TMEM272: variants seen among roughly 807,000 people sequenced by gnomAD.
TMEM272 encodes the protein transmembrane protein 272, also known as long intergenic non-protein coding RNA 282.
Under a neutral mutation model 3.7 loss-of-function variants are expected in TMEM272, and 8 were observed. The ratio of observed to expected loss-of-function variants is 2.17; its 90% CI spans 1.27 to 3.91. The LOEUF is 3.91. TMEM272 is among the 30% of genes most tolerant of loss of function. The probability of loss-of-function intolerance (pLI) is 0.00; values close to 1 mark genes in which losing one functional copy is unlikely to be tolerated. For synonymous variants in TMEM272, 63 were observed against 39.8 expected (o/e 1.58, Z -2.20); for missense variants, 166 against 91.5 (o/e 1.81, Z -3.32).
chr13:51,915,397 C>G, the TMEM272 span, among the ~76,000 whole-genome samples: 4 of 152,204 alleles, frequency 2.6e-5, no homozygotes, highest in African/African-American at 9.6e-5. Flanking sequence ...AAAAAGAAAA[C>G]AATGCATGAT....
At chr13:51,906,945 C>T in the TMEM272 span, among the ~76,000 whole-genome samples, 3 of 152,240 alleles carry the variant, frequency 2.0e-5, no homozygotes, top group Admixed American at 2.0e-4. Flanking sequence ...GTGATCTGGT[C>T]TGTTCAGAAA....
chr13:51,922,298 C>T, the TMEM272 span, among the ~76,000 whole-genome samples: 10 of 152,332 alleles, frequency 6.6e-5, no homozygotes, highest in East Asian at 3.9e-4. Context: ...TTCCCAAATG[C>T]GCTCAGCTTC....
the TMEM272 span, among the ~76,000 whole-genome samples, chr13:51,907,981 A>T: frequency 2.0e-5 from 3 of 152,228 alleles, no homozygotes; most frequent in African/African-American, 7.2e-5. Context: ...TGTTTAGATA[A>T]TAGTGGATTA....
chr13:51,883,981 T>C, the TMEM272 span, among the ~76,000 whole-genome samples: 9 of 152,238 alleles, frequency 5.9e-5, no homozygotes, highest in Admixed American at 1.3e-4. Flanking sequence ...AAAGTAAAAG[T>C]CTGTGTTGCC....
chr13:51,902,178 G>C, the TMEM272 span, among the ~76,000 whole-genome samples: 18 of 152,302 alleles, frequency 1.2e-4, no homozygotes, highest in African/African-American at 4.3e-4. Context: ...TCTCAGTTTT[G>C]TAAGATGTAA....
the TMEM272 span, among the ~76,000 whole-genome samples, chr13:51,925,148 G>A: frequency 1.3e-5 from 2 of 152,256 alleles, no homozygotes; most frequent in South Asian, 2.1e-4. Flanking sequence ...TTTCTTAGTT[G>A]CTCATTTGTT....
chr13:51,832,686 G>A (rs1345380416), intron 2 of TMEM272, among the ~76,000 whole-genome samples: 5 of 152,094 alleles, frequency 3.3e-5, no homozygotes, highest in Middle Eastern at 6.8e-3. Context: ...CTCCAGCCCT[G>A]CACAAGCACC....
chr13:51,896,723 T>C, the TMEM272 span, among the ~76,000 whole-genome samples: 362 of 152,318 alleles, frequency 2.4e-3, 9 homozygotes, highest in East Asian at 0.041. Flanking sequence ...AACTGTGCAC[T>C]GATCCTTGCC....
At chr13:51,852,517 G>A in the TMEM272 span, among the ~76,000 whole-genome samples, 3 of 152,214 alleles carry the variant, frequency 2.0e-5, no homozygotes, top group Non-Finnish European at 2.9e-5. Context: ...CATGAGCAGT[G>A]ATGATTATGT....
the TMEM272 span, among the ~76,000 whole-genome samples, chr13:51,879,227 C>T: frequency 6.6e-6 from 1 of 152,110 alleles, no homozygotes; most frequent in African/African-American, 2.4e-5. Flanking sequence ...GGTGAGAGCC[C>T]AGCACAGGGA....
At chr13:51,862,903 C>T in the TMEM272 span, among the ~76,000 whole-genome samples, 3 of 152,140 alleles carry the variant, frequency 2.0e-5, no homozygotes, top group Non-Finnish European at 2.9e-5. Flanking sequence ...ATATAGGCGG[C>T]GTTATATTAT....
At chr13:51,899,777 C>A in the TMEM272 span, among the ~76,000 whole-genome samples, 3 of 152,128 alleles carry the variant, frequency 2.0e-5, no homozygotes, top group African/African-American at 7.2e-5. Context: ...CCGCATGGCA[C>A]TAGAAAAGGC....
chr13:51,822,066 C>T lies in TMEM272; in HGVS notation c.190G>A (p.Gly64Ser), dbSNP rs1486757675. 6 of 702,300 alleles carry T rather than the reference C, an allele frequency of 8.5e-6. No individual in the cohort carries two copies. Among genetic ancestry groups the T allele is most frequent in the South Asian group, 3.0e-5 (2 of 67,592 alleles). 43.5% of individuals were successfully genotyped at this position (702,300 alleles called of 1,614,324 possible). ...PLYLLVGGIV[G>S]TLKVSLLLYD... The stretch of plus-strand genomic sequence containing the variant: ...TAAAGATACTTTACCTTTAAGGTAC[C>T]GACGATGCCACCCACTAGCAAATAT... Residue 64 changes from glycine to serine, a missense_variant, in exon 4 of 5, where the codon GGT (glycine) becomes AGT (serine). Gly to Ser is a moderately conservative substitution (Grantham distance 56). Transcript: ENST00000629372.
At chr13:51,859,505 A>C in the TMEM272 span, among the ~76,000 whole-genome samples, 16 of 129,932 alleles carry the variant, frequency 1.2e-4, no homozygotes, top group South Asian at 5.4e-4. Context: ...CTCCCAACCA[A>C]ACACACACAC....
chr13:51,919,731 G>A, the TMEM272 span, among the ~76,000 whole-genome samples: 3 of 152,196 alleles, frequency 2.0e-5, no homozygotes, highest in Non-Finnish European at 4.4e-5. Flanking sequence ...AGCAAACGGT[G>A]CCATGGTGAC....
At chr13:51,874,125 A>G in the TMEM272 span, among the ~76,000 whole-genome samples, 3 of 152,202 alleles carry the variant, frequency 2.0e-5, no homozygotes, top group Admixed American at 6.5e-5. Flanking sequence ...GCCCTGGCAG[A>G]GGGGTCCCTG....
chr13:51,865,624 G>A, the TMEM272 span: 28 of 1,614,092 alleles, frequency 1.7e-5, no homozygotes, highest in Non-Finnish European at 2.4e-5. Flanking sequence ...TCCGGGGCCA[G>A]ATCCTGGGTT....
At chr13:51,900,012 T>C in the TMEM272 span, among the ~76,000 whole-genome samples, 19 of 152,160 alleles carry the variant, frequency 1.2e-4, no homozygotes, top group East Asian at 5.8e-4. Context: ...ATATGGGTCA[T>C]AGTCTTACAT....
chr13:51,891,343 T>G, the TMEM272 span, among the ~76,000 whole-genome samples: 1 of 152,212 alleles, frequency 6.6e-6, no homozygotes, highest in Non-Finnish European at 1.5e-5. Context: ...CCTTATCCCA[T>G]GAATAGAGAT....
Sources: allele counts gnomAD v4.1 joint callset (sites outside exome capture counted in the v4.1 genomes callset), GRCh38; gene constraint gnomAD v4.1.1; transcripts MANE v1.5; gene names NCBI Gene and HGNC (gene_info 2026-07-23, HGNC 2026-07-21).